NPEPL1: variants seen among roughly 807,000 people sequenced by gnomAD.
NPEPL1 encodes the protein aminopeptidase like 1.
In NPEPL1, 45 loss-of-function variants were observed where a neutral mutation model predicts 52.4. The ratio of observed to expected loss-of-function variants is 0.86; its 90% confidence interval spans 0.68 to 1.10. NPEPL1 has a LOEUF of 1.10. Ranked by LOEUF, NPEPL1 falls within the 50% of genes least tolerant of loss-of-function variation. The probability of loss-of-function intolerance (pLI) is 0.00; values close to 1 mark genes in which losing one functional copy is unlikely to be tolerated. For synonymous variants in NPEPL1, 360 were observed against 314.7 expected (o/e 1.14, Z -1.52); for missense variants, 696 against 710.9 (o/e 0.98, Z 0.24).
chr20:58,705,659 G>T (rs746691734), intron 6 of NPEPL1: 3 of 427,408 alleles, frequency 7.0e-6, no homozygotes, highest in Non-Finnish European at 1.4e-5. Flanking sequence ...ACATATGGGG[G>T]CTGGTGAAAC....
chr20:58,704,481 T>C, intron 6 of NPEPL1: 1 of 543,088 alleles, frequency 1.8e-6, no homozygotes. Context: ...ATTTATAACA[T>C]GTATAATTCA....
At chr20:58,707,720 G>T (rs1226411250) in intron 7 of NPEPL1, among the ~76,000 whole-genome samples, 3 of 151,330 alleles carry the variant, frequency 2.0e-5, no homozygotes, top group Non-Finnish European at 4.4e-5. Context: ...GGGCGTGGGG[G>T]GGGTGGGGGG....
At chr20:58,710,880 T>C (rs2084822085) in intron 7 of NPEPL1, 1 of 152,446 alleles carries the variant, frequency 6.6e-6, no homozygotes, top group Admixed American at 6.5e-5. Flanking sequence ...GCCCCAGGAC[T>C]GCAGCTCGCT....
intron 7 of NPEPL1, among the ~76,000 whole-genome samples, chr20:58,707,541 T>C (rs1331594846): frequency 1.3e-5 from 2 of 152,212 alleles, no homozygotes; most frequent in African/African-American, 4.8e-5. Flanking sequence ...GGGCACACGT[T>C]GTTCTGCGTA....
At position 58,713,561 on chromosome 20, in the gene NPEPL1, C is replaced by G; in HGVS notation, c.1125+18C>G. On this transcript the variant is annotated intron_variant, in intron 9 of 11. Coordinates refer to ENST00000356091, the MANE Select transcript of NPEPL1 (RefSeq NM_024663.4). This position sits in a 1 kb window ranked among gnomAD's most constrained non-coding sequence, Gnocchi z 4.6. ...GGGCTCAGGTGAGTGCTCCCTGGAT[C>G]CACCCCTTAGCTGTAGTCCCAGGGA... The G allele has an allele frequency of 6.3e-7, 1 of 1,586,606 alleles. No individual in the cohort carries two copies. The highest frequency in any genetic ancestry group is 1.1e-5 in the South Asian group (1 of 87,874).
chr20:58,708,360 G>A (rs970914236), intron 7 of NPEPL1, among the ~76,000 whole-genome samples: 2 of 152,218 alleles, frequency 1.3e-5, no homozygotes, highest in East Asian at 1.9e-4. Context: ...AGGCCCAGCC[G>A]GTGGGGACAC....
intron 6 of NPEPL1, among the ~76,000 whole-genome samples, chr20:58,706,465 G>A (rs1364308268): frequency 6.6e-6 from 1 of 152,218 alleles, no homozygotes; most frequent in African/African-American, 2.4e-5. Context: ...CCAGGGAGAG[G>A]AAGCTAGGCC....
upstream of NPEPL1, chr20:58,691,582 C>T: frequency 1.6e-6 from 1 of 631,848 alleles, no homozygotes; most frequent in Non-Finnish European, 2.8e-6. Flanking sequence ...TGGCTTGTGG[C>T]TCCCGGGGCT....
chr20:58,693,599 G>T, intron 1 of NPEPL1, 138 bp from the exon 2 acceptor site: 1 of 703,152 alleles, frequency 1.4e-6, no homozygotes. Context: ...CCCTAAGGAT[G>T]GGAAAACGGT....
intron 7 of NPEPL1, among the ~76,000 whole-genome samples, chr20:58,707,403 G>A (rs1362493344): frequency 2.6e-5 from 4 of 152,234 alleles, no homozygotes; most frequent in Non-Finnish European, 5.9e-5. Flanking sequence ...GGGAGGCCCC[G>A]AGGGCAAGGT....
Position 58,714,001 on chromosome 20 carries a change from T to C in NPEPL1, c.1210T>C (p.Cys404Arg), listed in dbSNP as rs1176324932. The C allele has an allele frequency of 5.2e-6, 8 of 1,524,446 alleles. No homozygotes were observed. The Admixed American group carries it at 7.0e-5, about 13-fold the overall frequency. 94.4% of individuals were successfully genotyped at this position (1,524,446 alleles called of 1,614,324 possible). Reference sequence around the variant, plus strand: ...CGCCTGTGTGAAGGCGGGCAGGAAGTGTGGGGACCTGGTGCACCCGCTGGT... The same window carrying C: ...CGCCTGTGTGAAGGCGGGCAGGAAGCGTGGGGACCTGGTGCACCCGCTGGT... ...EAACVKAGRK[C>R]GDLVHPLVYC... The change falls in exon 10 of 12, where the codon TGT becomes CGT. Residue 404 changes from cysteine (C) to arginine (R), a missense_variant. Coordinates refer to ENST00000356091, the MANE Select transcript of NPEPL1 (RefSeq NM_024663.4).
In NPEPL1 at chr20:58,692,937, G is replaced by A; in HGVS notation, c.37G>A (p.Gly13Arg). ...GGGGCTGCAGTTCCAGGCGAGCGCG[G>A]GGGACTCGGACCCACAGAGCCGGCC... is the stretch of plus-strand genomic sequence containing the variant. ...NVGLQFQASA[G>R]DSDPQSRPLL... Residue 13 changes from glycine (G) to arginine (R), a missense_variant, in exon 1 of 12, where the codon GGG becomes AGG. Gly to Arg is a moderately radical substitution (Grantham distance 125, BLOSUM62 -2). Coordinates refer to ENST00000356091, the MANE Select transcript of NPEPL1 (RefSeq NM_024663.4). The surrounding 1 kb of genome is among the most constrained non-coding windows in gnomAD (Gnocchi z 5.7). 4 of 1,146,442 alleles carry A rather than the reference G, an allele frequency of 3.5e-6. No individual in the cohort carries two copies. Among genetic ancestry groups the A allele is most frequent in the Non-Finnish European group, 4.4e-6 (4 of 918,874 alleles). The allele number at this position is 1,146,442 out of a possible 1,614,324, so 71.0% of individuals were successfully genotyped here.
At chr20:58,712,372 ATC>A (rs368064359) in intron 7 of NPEPL1, 105 bp from the exon 8 acceptor site, 34 of 716,290 alleles carry the variant, frequency 4.7e-5, no homozygotes, top group Admixed American at 8.2e-5. Flanking sequence ...ACTTGGAGCC[ATC>A]TCTCTCTCTC....
At chr20:58,703,999 A>C (rs2084687833) in intron 6 of NPEPL1, 1 of 985,334 alleles carries the variant, frequency 1.0e-6, no homozygotes, top group Non-Finnish European at 1.2e-6. Context: ...AAACCAGCCC[A>C]TCTTCCCCGC....
At chr20:58,711,017 C>T (rs962021126) in intron 7 of NPEPL1, 1 of 151,924 alleles carries the variant, frequency 6.6e-6, no homozygotes, top group African/African-American at 2.4e-5. Context: ...GGTAGCAGCC[C>T]TCCCTGGGAG....
intron 3 of NPEPL1, 46 bp from the exon 4 acceptor site, chr20:58,698,638 C>T (rs1243651112): frequency 2.0e-6 from 3 of 1,477,814 alleles, no homozygotes; most frequent in South Asian, 1.1e-5. Context: ...AAGGGGAGAA[C>T]ATCTGCCTCC....
chr20:58,694,318 C>T, intron 2 of NPEPL1, 104 bp from the exon 3 acceptor site: 6 of 1,224,708 alleles, frequency 4.9e-6, no homozygotes, highest in Non-Finnish European at 6.8e-6. Flanking sequence ...GTCTAGATGT[C>T]ACCTGCCAGG....
chr20:58,697,687 C>T (rs967417010), intron 3 of NPEPL1, among the ~76,000 whole-genome samples: 5 of 152,222 alleles, frequency 3.3e-5, no homozygotes, highest in Non-Finnish European at 5.9e-5. Flanking sequence ...TGCAAGCAGC[C>T]AGCTGTCTGA....
At chr20:58,689,570 C>A (rs2084313481), upstream of NPEPL1, among the ~76,000 whole-genome samples, 2 of 152,164 alleles carry the variant, frequency 1.3e-5, no homozygotes, top group Admixed American at 1.3e-4. Context: ...TCCACATGAG[C>A]TTTTGACAGT....
Sources: gnomAD v4.1 joint callset for allele counts (sites outside exome capture counted in the v4.1 genomes callset) on GRCh38, gnomAD v4.1.1 for gene constraint, Gnocchi (gnomAD v3.1) non-coding constraint, MANE v1.5 for transcripts, NCBI Gene and HGNC (gene_info 2026-07-23, HGNC 2026-07-21) for gene names.